Variants in RASAL2 observed in about 807,000 individuals in gnomAD.
The protein encoded by RASAL2 is RAS protein activator like 2.
Under a neutral mutation model 128.9 loss-of-function variants are expected in RASAL2, and 58 were observed. That is an observed-to-expected ratio of 0.45 (90% CI 0.36 to 0.56). The LOEUF (loss-of-function observed/expected upper bound fraction) is 0.56. Ranked by LOEUF, RASAL2 falls within the 20% of genes least tolerant of loss-of-function variation. The pLI is 0.00. For synonymous variants in RASAL2, 561 were observed against 580.8 expected (o/e 0.97, Z 0.49); for missense variants, 1,360 against 1,601.6 (o/e 0.85, Z 2.57).
At chr1:178,180,081 A>G (rs1662034989) in intron 1 of RASAL2, among the ~76,000 whole-genome samples, 1 of 152,280 alleles carries the variant, frequency 6.6e-6, no homozygotes, top group East Asian at 1.9e-4. Context: ...TGGATTCTCT[A>G]ATCTACAGTA....
At chr1:178,138,624 A>AT (rs1237367703) in intron 1 of RASAL2, among the ~76,000 whole-genome samples, 3 of 151,850 alleles carry the variant, frequency 2.0e-5, no homozygotes, top group Admixed American at 6.6e-5. Context: ...AGCTGCATAC[A>AT]TTTTTTTCAC....
intron 5 of RASAL2, 39 bp downstream of exon 5, chr1:178,420,659 G>C: frequency 6.9e-7 from 1 of 1,452,544 alleles, no homozygotes; most frequent in Non-Finnish European, 9.4e-7. Context: ...AAAGCAGTTT[G>C]AGAGTGAATT....
At chr1:178,207,150 CAAAAAA>C (rs11350533) in intron 1 of RASAL2, among the ~76,000 whole-genome samples, 2 of 120,864 alleles carry the variant, frequency 1.7e-5, no homozygotes, top group African/African-American at 2.9e-5. Context: ...GACCTTGTCT[CAAAAAA>C]AAAAAAAAAA....
intron 1 of RASAL2, 60 bp downstream of exon 1, chr1:178,094,754 C>T: frequency 3.2e-5 from 51 of 1,589,662 alleles, no homozygotes; most frequent in Non-Finnish European, 4.4e-5. Context: ...GGCTGAAATT[C>T]ATTCCCTAAG....
intron 3 of RASAL2, among the ~76,000 whole-genome samples, chr1:178,346,376 G>C (rs1396002041): frequency 1.3e-5 from 2 of 151,618 alleles, no homozygotes; most frequent in East Asian, 3.9e-4. Flanking sequence ...ACTCCCGCCT[G>C]GGTGACAGAG....
At chr1:178,146,655 A>ATG (rs1448749185) in intron 1 of RASAL2, among the ~76,000 whole-genome samples, 3 of 152,212 alleles carry the variant, frequency 2.0e-5, no homozygotes, top group Non-Finnish European at 4.4e-5. Flanking sequence ...TTGGCTGAGT[A>ATG]TGTGTGCCTG....
intron 3 of RASAL2, among the ~76,000 whole-genome samples, chr1:178,307,333 C>T (rs1283170050): frequency 6.6e-6 from 1 of 152,022 alleles, no homozygotes; most frequent in African/African-American, 2.4e-5. Context: ...ATGTGTGCAT[C>T]ATGTCTAAAG....
chr1:178,120,560 A>C (rs1166647419), intron 1 of RASAL2, among the ~76,000 whole-genome samples: 1 of 152,188 alleles, frequency 6.6e-6, no homozygotes, highest in African/African-American at 2.4e-5. Context: ...GATGTACATC[A>C]ACTCACTGTC....
chr1:178,288,081 A>G (rs572156361), intron 2 of RASAL2, among the ~76,000 whole-genome samples: 2 of 152,328 alleles, frequency 1.3e-5, no homozygotes, highest in Non-Finnish European at 1.5e-5. Flanking sequence ...CATAATCATA[A>G]CATAGGAAAA....
intron 3 of RASAL2, among the ~76,000 whole-genome samples, chr1:178,348,369 G>C (rs1162794267): frequency 6.6e-6 from 1 of 152,036 alleles, no homozygotes; most frequent in Non-Finnish European, 1.5e-5. Flanking sequence ...ATAGCTCATT[G>C]TAACCTCAAA....
intron 1 of RASAL2, among the ~76,000 whole-genome samples, chr1:178,180,962 T>C (rs1231060877): frequency 6.6e-6 from 1 of 152,174 alleles, no homozygotes; most frequent in Non-Finnish European, 1.5e-5. Flanking sequence ...TCTAAGTTGT[T>C]CGACCTAATG....
At chr1:178,451,779 A>G in intron 10 of RASAL2, 64 bp downstream of exon 10, 1 of 1,515,090 alleles carries the variant, frequency 6.6e-7, no homozygotes, top group Admixed American at 2.1e-5. Flanking sequence ...TGGAACTTAC[A>G]TTTTTTCATG....
chr1:178,395,738 A>T (rs887115115), intron 4 of RASAL2, among the ~76,000 whole-genome samples: 1 of 148,704 alleles, frequency 6.7e-6, no homozygotes, highest in Non-Finnish European at 1.5e-5. Context: ...CCATAATAGG[A>T]TCGCCCTCCA....
At chr1:178,242,740 A>G (rs1387510836) in intron 1 of RASAL2, among the ~76,000 whole-genome samples, 1 of 151,886 alleles carries the variant, frequency 6.6e-6, no homozygotes, top group African/African-American at 2.4e-5. Flanking sequence ...TTATTTATTT[A>G]TGTTTGAGAC....
chr1:178,147,269 G>A (rs1451833896), intron 1 of RASAL2, among the ~76,000 whole-genome samples: 3 of 151,512 alleles, frequency 2.0e-5, no homozygotes, highest in Non-Finnish European at 4.4e-5. Flanking sequence ...TGGGTGGATC[G>A]CCTGAGCTCA....
intron 3 of RASAL2, among the ~76,000 whole-genome samples, chr1:178,326,772 G>A (rs771932374): frequency 1.3e-5 from 2 of 152,064 alleles, no homozygotes; most frequent in African/African-American, 4.8e-5. Flanking sequence ...TCGAACTCCC[G>A]ACCTCAGGTG....
At chr1:178,260,352 A>AAC (rs1665624323) in intron 1 of RASAL2, among the ~76,000 whole-genome samples, 1 of 17,820 alleles carries the variant, frequency 5.6e-5, no homozygotes, top group African/African-American at 2.1e-4. Context: ...ACTCGTCTCA[A>AAC]AAAAAAAAAA....
intron 3 of RASAL2, among the ~76,000 whole-genome samples, chr1:178,351,875 C>G (rs991692092): frequency 1.3e-5 from 2 of 151,992 alleles, no homozygotes; most frequent in African/African-American, 4.8e-5. Context: ...ATTTAGAAAA[C>G]AAAAAGTGCA....
chr1:178,127,250 T>C (rs1659934661), intron 1 of RASAL2, among the ~76,000 whole-genome samples: 1 of 152,164 alleles, frequency 6.6e-6, no homozygotes, highest in African/African-American at 2.4e-5. Context: ...TGATAGTATA[T>C]TTATTAAGTT....
Sources: allele counts gnomAD v4.1 joint callset (sites outside exome capture counted in the v4.1 genomes callset), GRCh38; gene constraint gnomAD v4.1.1; transcripts MANE v1.5; gene names NCBI Gene and HGNC (gene_info 2026-07-23, HGNC 2026-07-21).